The following MYO1H variants were observed in gnomAD, a reference collection of about 807,000 sequenced individuals.
MYO1H encodes the protein unconventional myosin-Ih.
In MYO1H, 118 loss-of-function variants were observed where a neutral mutation model predicts 149.3. That is an observed-to-expected ratio of 0.79 (90% CI 0.68 to 0.92). MYO1H has a LOEUF of 0.92. MYO1H is among the 40% of genes least tolerant of loss of function. The pLI, the probability that MYO1H is intolerant of heterozygous loss-of-function variation, is 0.00. For synonymous variants in MYO1H, 447 were observed against 465.2 expected (o/e 0.96, Z 0.50); for missense variants, 1,212 against 1,280.7 (o/e 0.95, Z 0.82).
chr12:109,447,065 AC>A, intron 31 of MYO1H, 93 bp from the exon 32 acceptor site: 1 of 1,312,148 alleles, frequency 7.6e-7, no homozygotes, highest in South Asian at 1.3e-5. Context: ...CTCCACACCC[AC>A]CTTGCTAATG....
chr12:109,394,412 T>C (rs1276016535), intron 3 of MYO1H, among the ~76,000 whole-genome samples: 6 of 152,224 alleles, frequency 3.9e-5, no homozygotes, highest in Non-Finnish European at 7.3e-5. Flanking sequence ...ATAACCACCT[T>C]GATATCAGTT....
At chr12:109,406,060 C>A in intron 8 of MYO1H, 25 bp downstream of exon 8, 1 of 1,526,602 alleles carries the variant, frequency 6.6e-7, no homozygotes, top group Non-Finnish European at 9.1e-7. Flanking sequence ...TTGGAGAGGA[C>A]AGAAGGAGGG....
intron 20 of MYO1H, among the ~76,000 whole-genome samples, chr12:109,433,296 C>T (rs1239685581): frequency 6.6e-6 from 1 of 152,192 alleles, no homozygotes; most frequent in African/African-American, 2.4e-5. Context: ...AGAGGGGGCA[C>T]CTAACGTCCG....
intron 1 of MYO1H, among the ~76,000 whole-genome samples, chr12:109,382,523 T>G (rs1228746961): frequency 6.6e-6 from 1 of 152,148 alleles, no homozygotes; most frequent in Non-Finnish European, 1.5e-5. Context: ...TTAGAGAAAT[T>G]TGAACATTAG....
chr12:109,441,276 A>G (rs543749280), intron 25 of MYO1H, among the ~76,000 whole-genome samples: 3 of 152,360 alleles, frequency 2.0e-5, no homozygotes, highest in Admixed American at 2.0e-4. Flanking sequence ...CTCTGTCCCA[A>G]TAGAATGTTA....
intron 19 of MYO1H, among the ~76,000 whole-genome samples, chr12:109,431,381 AAAAT>A (rs529979430): frequency 6.6e-5 from 10 of 152,114 alleles, no homozygotes; most frequent in Non-Finnish European, 8.8e-5. Context: ...CTCCGTCTCA[AAAAT>A]AAATAAATAA....
intron 14 of MYO1H, among the ~76,000 whole-genome samples, chr12:109,414,476 C>CAAAA (rs1158287635): frequency 3.0e-4 from 17 of 57,268 alleles, no homozygotes; most frequent in Non-Finnish European, 3.3e-4. Flanking sequence ...GACTCCATCT[C>CAAAA]AAAAAAAAAA....
At chr12:109,353,251 G>C (rs934098737) in intron 1 of MYO1H, among the ~76,000 whole-genome samples, 1 of 151,854 alleles carries the variant, frequency 6.6e-6, no homozygotes, top group Non-Finnish European at 1.5e-5. Flanking sequence ...AAAATTAGCC[G>C]GGTATGGTGG....
the MYO1H span, among the ~76,000 whole-genome samples, chr12:109,310,609 C>T: frequency 3.9e-3 from 549 of 140,184 alleles, 5 homozygotes; most frequent in African/African-American, 0.013. Flanking sequence ...GCACCTGTGA[C>T]TGTTTTTTTT....
intron 15 of MYO1H, among the ~76,000 whole-genome samples, chr12:109,419,271 G>A (rs1156487296): frequency 1.3e-5 from 2 of 151,994 alleles, no homozygotes; most frequent in Non-Finnish European, 2.9e-5. Context: ...TGTGTTGGTG[G>A]GGAGTTTTCC....
chr12:109,343,127 T>C (rs2048092068), upstream of MYO1H, among the ~76,000 whole-genome samples: 1 of 152,160 alleles, frequency 6.6e-6, no homozygotes, highest in Admixed American at 6.5e-5. Context: ...TATCATGATT[T>C]ATTTCTAGTC....
chr12:109,389,000 A>G (rs1331241192), intron 2 of MYO1H, among the ~76,000 whole-genome samples, 156 bp downstream of exon 2: 1 of 152,294 alleles, frequency 6.6e-6, no homozygotes, highest in South Asian at 2.1e-4. Context: ...CCTTTGTGCT[A>G]AGACGTTTAT....
chr12:109,337,488 C>A, the MYO1H span, among the ~76,000 whole-genome samples: 7 of 152,084 alleles, frequency 4.6e-5, no homozygotes, highest in Non-Finnish European at 1.0e-4. Context: ...GGGGAGGCCT[C>A]ACAATAGGGG....
the MYO1H span, among the ~76,000 whole-genome samples, chr12:109,335,422 C>G: frequency 1.7e-4 from 26 of 152,146 alleles, no homozygotes; most frequent in Admixed American, 3.3e-4. Context: ...TCCCATGATT[C>G]AACCATCTCC....
intron 26 of MYO1H, 100 bp from the exon 27 acceptor site, chr12:109,442,117 C>A: frequency 1.0e-6 from 1 of 976,778 alleles, no homozygotes; most frequent in Non-Finnish European, 1.6e-6. Context: ...CACCTGAGAT[C>A]TTAGCACAGA....
chr12:109,443,962 C>G (rs1403169449), intron 28 of MYO1H, among the ~76,000 whole-genome samples: 3 of 151,864 alleles, frequency 2.0e-5, no homozygotes, highest in African/African-American at 4.8e-5. Context: ...CCAGCCTGGA[C>G]TGCACCCTTA....
intron 1 of MYO1H, among the ~76,000 whole-genome samples, chr12:109,349,173 G>T (rs1868402276): frequency 6.6e-6 from 1 of 152,198 alleles, no homozygotes; most frequent in Admixed American, 6.5e-5. Flanking sequence ...CAACAGATAG[G>T]TCTGTCCTCA....
chr12:109,442,133 A>C (rs1452399919), intron 26 of MYO1H, 84 bp from the exon 27 acceptor site: 14 of 1,137,248 alleles, frequency 1.2e-5, no homozygotes, highest in African/African-American at 4.6e-5. Context: ...ACAGAGATGC[A>C]TAACAAAACT....
At chr12:109,385,587 C>T (rs1014269675) in intron 1 of MYO1H, among the ~76,000 whole-genome samples, 2 of 152,170 alleles carry the variant, frequency 1.3e-5, no homozygotes, top group Admixed American at 6.5e-5. Context: ...GCCTACCACG[C>T]CCAGCCTGAA....
Sources: allele counts gnomAD v4.1 joint callset (sites outside exome capture counted in the v4.1 genomes callset), GRCh38; gene constraint gnomAD v4.1.1; transcripts MANE v1.5; gene names NCBI Gene and HGNC (gene_info 2026-07-23, HGNC 2026-07-21).